The following CYP2D6 variants were observed in gnomAD, a reference collection of about 807,000 sequenced individuals.
CYP2D6 encodes the protein cytochrome P450 family 2 subfamily D member 6 (gene/pseudogene), also known as cytochrome P450 2D6.
In CYP2D6, 51 loss-of-function variants were observed where a neutral mutation model predicts 43.5. The observed-to-expected ratio is 1.17, with a 90% confidence interval of 0.94 to 1.48. The LOEUF is 1.48. Ranked by LOEUF, CYP2D6 falls within the 40% of genes most tolerant of loss-of-function variation. The pLI is 0.00. For missense variants in CYP2D6, 698 were observed against 688.0 expected (o/e 1.01, Z -0.16); for synonymous variants, 346 against 297.1 (o/e 1.16, Z -1.69).
chr22:42,129,103 G>C lies in CYP2D6; in HGVS notation c.435C>G (p.Gly145=), dbSNP rs372007283. The change falls in exon 3 of 9, where the codon GGC becomes GGG. Residue 145 remains glycine, a synonymous_variant. Transcript: ENST00000645361. ...TCACCCACTGCTCCAGCGACTTCTT[G>C]CCCAGGCCCAAGTTGCGCAAGGTGG... ...SVSTLRNLGL[G]KKSLEQWVTE... 1 of 1,610,362 alleles carries C rather than the reference G, an allele frequency of 6.2e-7. No homozygotes were observed. The highest frequency in any genetic ancestry group is 1.7e-5 in the Admixed American group (1 of 59,840).
chr22:42,129,423 G>A (rs1399867776), intron 2 of CYP2D6: 4 of 768,206 alleles, frequency 5.2e-6, no homozygotes, highest in East Asian at 2.6e-5. Context: ...CGGGCCCCGC[G>A]CCACCCACAC....
intron 1 of CYP2D6, 189 bp from the exon 2 acceptor site, chr22:42,130,098 A>G (rs1931837223): frequency 9.7e-6 from 6 of 619,686 alleles, no homozygotes; most frequent in Non-Finnish European, 1.1e-5. Context: ...CTCAGTTTGG[A>G]TGCGTCACCC....
chr22:42,127,954 A>G lies in CYP2D6; in HGVS notation c.873T>C (p.Asn291=), dbSNP rs372708040. The G allele has an allele frequency of 9.3e-6, 15 of 1,611,214 alleles. No homozygotes were observed. The highest frequency in any genetic ancestry group is 1.2e-5 in the Non-Finnish European group (14 of 1,178,264). The part of the protein sequence containing the change: ...KAKGNPESSF[N]DENLRIVVAD... The stretch of plus-strand genomic sequence containing the variant: ...CCACCACTATGCGCAGGTTCTCATC[A>G]TTGAAGCTGCTCTCAGGGTTCCCCT... The change falls in exon 6 of 9, where the codon AAT becomes AAC. Residue 291 remains asparagine, a synonymous_variant. Coordinates refer to ENST00000645361, the MANE Select transcript of CYP2D6 (RefSeq NM_000106.6).
At position 42,127,504 on chromosome 22, in the gene CYP2D6, C is replaced by T; in HGVS notation, c.1116G>A (p.Leu372=). ...CACGGGATGTCATATGGGTCACACC[C>T]AGGGGGACGATGTCCCCAAAGCGCT... is the stretch of plus-strand genomic sequence containing the variant. The part of the protein sequence containing the change: ...EVQRFGDIVP[L]GVTHMTSRDI... Residue 372 remains leucine, a synonymous_variant, in exon 7 of 9, where the codon CTG becomes CTA. Transcript: ENST00000645361. The T allele has an allele frequency of 6.2e-7, 1 of 1,611,690 alleles. No homozygotes were observed.
rs746803316 is a variant in CYP2D6 at position 42,128,341 on chromosome 22, C to T, written c.676G>A (p.Ala226Thr). Residue 226 changes from alanine (A) to threonine (T), a missense_variant, in exon 5 of 9, where the codon GCT (alanine) becomes ACT (threonine). This residue lies in a region of CYP2D6 where 588 missense variants were observed against 521.1 expected (regional missense o/e 1.13). Coordinates refer to ENST00000645361, the MANE Select transcript of CYP2D6 (RefSeq NM_000106.6). ...ESGFLREVLN[A>T]VPVLLHIPAL... The stretch of plus-strand genomic sequence containing the variant: ...GGGATATGCAGGAGGACGGGGACAG[C>T]ATTCAGCACCTACACCAGACAGAAC... The T allele has an allele frequency of 2.7e-5, 44 of 1,610,170 alleles. 3 individuals are homozygous for T. In the East Asian group the frequency reaches 8.3e-4, roughly 30 times the overall value.
At chr22:42,129,650 A>T in intron 2 of CYP2D6, 88 bp downstream of exon 2, 1 of 1,549,640 alleles carries the variant, frequency 6.5e-7, no homozygotes, top group Non-Finnish European at 8.8e-7. Flanking sequence ...CATGTCCACG[A>T]CCCCGCGCCC....
rs749182114 is a variant in CYP2D6 at position 42,128,214 on chromosome 22, G to A, written c.803C>T (p.Pro268Leu). ...HRMTWDPAQP[P>L]RDLTEAFLAE... Reference sequence around the variant, plus strand: ...CAGGAAGGCCTCAGTCAGGTCTCGGGGGGGCTGGGCTGGGTCCCAGGTCAT... The same window carrying A: ...CAGGAAGGCCTCAGTCAGGTCTCGGAGGGGCTGGGCTGGGTCCCAGGTCAT... Residue 268 changes from proline to leucine, a missense_variant, in exon 5 of 9, where the codon CCC (proline) becomes CTC (leucine). By Grantham distance (98) the Pro-to-Leu change is moderately conservative (BLOSUM62 -3). Coordinates refer to ENST00000645361, the MANE Select transcript of CYP2D6 (RefSeq NM_000106.6). The A allele has an allele frequency of 7.5e-6, 12 of 1,609,690 alleles. 1 individual carries two copies. Among genetic ancestry groups the A allele is most frequent in the Middle Eastern group, 1.6e-4 (1 of 6,076 alleles).
At position 42,130,768 on chromosome 22, in the gene CYP2D6, G is replaced by A. The variant is rs1461020839; in HGVS notation, c.24C>T (p.Pro8=). The change falls in exon 1 of 9, where the codon CCC becomes CCT. Residue 8 remains proline (P), a synonymous_variant. Transcript: ENST00000645361. Reference sequence around the variant, plus strand: ...GGAAGATGGCCACTATCACGGCCAGGGGCACCAGTGCTTCTAGCCCCATAC... The same window carrying A: ...GGAAGATGGCCACTATCACGGCCAGAGGCACCAGTGCTTCTAGCCCCATAC... The part of the protein sequence containing the change: MGLEALV[P]LAVIVAIFLL... 4 of 1,581,700 alleles carry A rather than the reference G, an allele frequency of 2.5e-6. No homozygotes were observed. Among genetic ancestry groups the A allele is most frequent in the Non-Finnish European group, 3.4e-6 (4 of 1,162,868 alleles).
intron 1 of CYP2D6, 196 bp downstream of exon 1, chr22:42,130,416 C>T (rs1931904076): frequency 2.9e-6 from 2 of 689,292 alleles, no homozygotes; most frequent in African/African-American, 1.8e-5. Flanking sequence ...AGGCCCTTGC[C>T]CTACTCTTCC....
chr22:42,129,002 C>G lies in CYP2D6; in HGVS notation c.505+31G>C, dbSNP rs1388273387. On this transcript the variant is annotated intron_variant, in intron 3 of 8. Transcript: ENST00000645361. ...TTCCCCGTCCCCCGCCTTCCCAGTT[C>G]CCGCTTTGTGCCCTTCTGCCCATCA... 4 of 1,595,862 alleles carry G rather than the reference C, an allele frequency of 2.5e-6. No individual in the cohort carries two copies. The South Asian group carries it at 4.5e-5, about 18-fold the overall frequency.
In CYP2D6 at chr22:42,129,021, C is replaced by A. The variant is rs778438493; in HGVS notation, c.505+12G>T. The A allele has an allele frequency of 6.2e-7, 1 of 1,603,398 alleles. No homozygotes were observed. Among genetic ancestry groups the A allele is most frequent in the Non-Finnish European group, 8.5e-7 (1 of 1,174,652 alleles). On this transcript the variant is annotated intron_variant, in intron 3 of 8. Transcript: ENST00000645361. ...CCAGTTCCCGCTTTGTGCCCTTCTG[C>A]CCATCACCCACCGGAGTGGTTGGCG... is the stretch of plus-strand genomic sequence containing the variant.
At chr22:42,129,333 T>G (rs1488267025) in intron 2 of CYP2D6, 148 bp from the exon 3 acceptor site, 8 of 1,123,906 alleles carry the variant, frequency 7.1e-6, no homozygotes, top group Non-Finnish European at 1.0e-5. Flanking sequence ...GCATCCACCT[T>G]GCTCCCTTGG....
intron 1 of CYP2D6, 130 bp downstream of exon 1, chr22:42,130,482 C>T (rs28371699): frequency 7.6e-6 from 8 of 1,057,276 alleles, no homozygotes; most frequent in Admixed American, 2.0e-5. Context: ...TTCTCCAGGA[C>T]GTCCCCCAAA....
rs747884067 is a variant in CYP2D6, at chr22:42,128,878, C to T, written c.572G>A (p.Cys191Tyr). ...AVSNVIASLT[C>Y]GRRFEYDDPR... ...GTCGTCGTACTCGAAGCGGCGCCCG[C>T]AGGTGAGGGAGGCGATCACGTTGCT... Residue 191 changes from cysteine to tyrosine, a missense_variant, in exon 4 of 9, where the codon TGC becomes TAC. Cys to Tyr is a radical substitution (Grantham distance 194). This residue lies in a region of CYP2D6 where 588 missense variants were observed against 521.1 expected (regional missense o/e 1.13). Coordinates refer to ENST00000645361, the MANE Select transcript of CYP2D6 (RefSeq NM_000106.6). 9.4e-6 allele frequency: 15 copies of T among 1,600,228 alleles called. 1 individual carries two copies. The Admixed American group carries it at 1.4e-4, about 15-fold the overall frequency.
chr22:42,128,727 C>T (rs1437117628), intron 4 of CYP2D6, 57 bp downstream of exon 4: 8 of 1,566,548 alleles, frequency 5.1e-6, no homozygotes, highest in South Asian at 2.3e-5. Flanking sequence ...CCCAGTCCAG[C>T]CCCGGCACCT....
chr22:42,129,624 A>T, intron 2 of CYP2D6, 114 bp downstream of exon 2: 1 of 1,410,976 alleles, frequency 7.1e-7, no homozygotes, highest in Non-Finnish European at 9.8e-7. Flanking sequence ...CGCTGTCCCC[A>T]CTCGCTGGCC....
Sources: gnomAD v4.1 joint callset for allele counts on GRCh38, gnomAD v4.1.1 for gene constraint, gnomAD v4.1.1 regional missense constraint, MANE v1.5 for transcripts, NCBI Gene and HGNC (gene_info 2026-07-23, HGNC 2026-07-21) for gene names.